The following TBC1D32 variants were observed in gnomAD, a reference collection of about 807,000 sequenced individuals.
The protein encoded by TBC1D32 is TBC1 domain family member 32.
TBC1D32 carries 151 observed loss-of-function variants against 170.3 expected under a neutral mutation model. The observed-to-expected ratio is 0.89, with a 90% CI of 0.78 to 1.01. TBC1D32 has a LOEUF of 1.01. TBC1D32 is among the 50% of genes least tolerant of loss of function. The pLI is 0.00. For missense variants in TBC1D32, 1,464 were observed against 1,457.1 expected (o/e 1.00, Z -0.08); for synonymous variants, 498 against 488.0 (o/e 1.02, Z -0.27).
chr6:121,121,269 G>C (rs1242326391), intron 26 of TBC1D32, among the ~76,000 whole-genome samples: 1 of 151,908 alleles, frequency 6.6e-6, no homozygotes, highest in Non-Finnish European at 1.5e-5. Flanking sequence ...TCATGGAGAG[G>C]GAAGCATCCA....
rs140868190 is a variant in TBC1D32, at chr6:121,114,480, A to G, written c.3053+692T>C. On this transcript the variant is annotated intron_variant, in intron 27 of 31. Transcript: ENST00000398212. The stretch of plus-strand genomic sequence containing the variant: ...AAAAGCAGGCACAACATCACAAAAC[A>G]TAATTAAGAGAATCATATGCCCTAT... Among the ~76,000 whole-genome samples the G allele has an allele frequency of 1.4e-4, 22 of 152,336 alleles. No individual in the cohort carries two copies. The East Asian group carries it at 4.2e-3, about 29-fold the overall frequency.
At chr6:121,268,786 A>G (rs188584453) in intron 15 of TBC1D32, among the ~76,000 whole-genome samples, 1 of 152,284 alleles carries the variant, frequency 6.6e-6, no homozygotes, top group East Asian at 1.9e-4. Context: ...CCTCAAGAAG[A>G]GCAACTGCAA....
intron 31 of TBC1D32, among the ~76,000 whole-genome samples, chr6:121,089,539 CCT>C (rs1776596988): frequency 6.6e-6 from 1 of 152,172 alleles, no homozygotes; most frequent in Non-Finnish European, 1.5e-5. Flanking sequence ...TTCCAAATCA[CCT>C]CTTAGAGAGC....
chr6:121,107,799 C>G (rs533259696), intron 29 of TBC1D32, among the ~76,000 whole-genome samples: 1 of 151,948 alleles, frequency 6.6e-6, no homozygotes, highest in East Asian at 1.9e-4. Flanking sequence ...GGAAATGATT[C>G]ATATGCAGTG....
chr6:121,208,968 C>G (rs949039143), intron 21 of TBC1D32, among the ~76,000 whole-genome samples: 2 of 151,894 alleles, frequency 1.3e-5, no homozygotes, highest in African/African-American at 4.8e-5. Flanking sequence ...ACAGGTAGCC[C>G]CTCCTATGGG....
intron 20 of TBC1D32, among the ~76,000 whole-genome samples, chr6:121,238,373 T>G (rs1245830173): frequency 6.6e-6 from 1 of 152,174 alleles, no homozygotes; most frequent in Non-Finnish European, 1.5e-5. Context: ...GATTTTTAAC[T>G]TATTTTTTCC....
intron 1 of TBC1D32, among the ~76,000 whole-genome samples, chr6:121,327,304 G>A (rs565307651): frequency 1.8e-4 from 27 of 152,272 alleles, no homozygotes; most frequent in African/African-American, 6.0e-4. Context: ...CAATGGAGCT[G>A]GGATAAATAC....
chr6:121,188,895 A>C (rs1455391777), intron 22 of TBC1D32, among the ~76,000 whole-genome samples: 2 of 152,182 alleles, frequency 1.3e-5, no homozygotes, highest in Non-Finnish European at 2.9e-5. Context: ...AAGGAACTGA[A>C]GCCACACAGA....
At chr6:121,189,241 C>T (rs1438512581) in intron 22 of TBC1D32, among the ~76,000 whole-genome samples, 1 of 151,838 alleles carries the variant, frequency 6.6e-6, no homozygotes, top group Non-Finnish European at 1.5e-5. Flanking sequence ...AAAATGGAAG[C>T]GTACTCAGGA....
At chr6:121,285,582 G>A (rs867741292) in intron 12 of TBC1D32, among the ~76,000 whole-genome samples, 6 of 152,250 alleles carry the variant, frequency 3.9e-5, no homozygotes, top group South Asian at 4.1e-4. Flanking sequence ...AGCTCCCAGC[G>A]TGAGCGACGC....
chr6:121,225,125 T>C (rs551041460), intron 20 of TBC1D32, among the ~76,000 whole-genome samples: 14 of 152,016 alleles, frequency 9.2e-5, no homozygotes, highest in Non-Finnish European at 2.1e-4. Flanking sequence ...TAATTATACA[T>C]AAAATGAACT....
chr6:121,153,078 G>T (rs1033447559), intron 24 of TBC1D32, among the ~76,000 whole-genome samples: 1 of 152,112 alleles, frequency 6.6e-6, no homozygotes, highest in Non-Finnish European at 1.5e-5. Flanking sequence ...AGGAGAAAAG[G>T]TGTTCTGGTT....
chr6:121,249,180 C>G (rs1797985253), intron 17 of TBC1D32, among the ~76,000 whole-genome samples: 1 of 151,438 alleles, frequency 6.6e-6, no homozygotes. Context: ...TATGATATAT[C>G]ACATAAACGG....
intron 22 of TBC1D32, among the ~76,000 whole-genome samples, chr6:121,168,569 G>A (rs1303658101): frequency 2.5e-5 from 2 of 79,684 alleles, no homozygotes; most frequent in African/African-American, 8.8e-5. Flanking sequence ...TGGTGGGGTC[G>A]GGGGAGGGGG....
At chr6:121,099,110 G>A (rs1006459582) in intron 30 of TBC1D32, among the ~76,000 whole-genome samples, 3 of 151,920 alleles carry the variant, frequency 2.0e-5, no homozygotes, top group South Asian at 2.1e-4. Flanking sequence ...GAAAATCCAT[G>A]CAGGTTTTTA....
chr6:121,232,589 A>G (rs561641193), intron 20 of TBC1D32, among the ~76,000 whole-genome samples: 1 of 152,060 alleles, frequency 6.6e-6, no homozygotes, highest in African/African-American at 2.4e-5. Context: ...GTGTTGTCTG[A>G]TTTCTTTCAG....
intron 21 of TBC1D32, among the ~76,000 whole-genome samples, chr6:121,208,729 GAAAAAAAAA>G (rs57771111): frequency 1.2e-5 from 1 of 86,898 alleles, no homozygotes; most frequent in Non-Finnish European, 2.4e-5. Flanking sequence ...GAAACACCTG[GAAAAAAAAA>G]AAAAAAAAAC....
At chr6:121,118,727 A>C (rs1329438456) in intron 26 of TBC1D32, among the ~76,000 whole-genome samples, 1 of 152,170 alleles carries the variant, frequency 6.6e-6, no homozygotes, top group African/African-American at 2.4e-5. Flanking sequence ...GAAAACTCTT[A>C]CTACCCAAAG....
At chr6:121,314,977 C>T (rs1304120587) in intron 3 of TBC1D32, among the ~76,000 whole-genome samples, 2 of 152,156 alleles carry the variant, frequency 1.3e-5, no homozygotes, top group African/African-American at 4.8e-5. Context: ...TCTCAACATC[C>T]CTATACGGGA....
Sources: allele counts gnomAD v4.1 joint callset (sites outside exome capture counted in the v4.1 genomes callset), GRCh38; gene constraint gnomAD v4.1.1; transcripts MANE v1.5; gene names NCBI Gene and HGNC (gene_info 2026-07-23, HGNC 2026-07-21).